Variants in RGS3 observed in about 807,000 individuals in gnomAD.
RGS3 encodes regulator of G protein signaling 3, also known as regulator of G-protein signalling 3.
Under a neutral mutation model 132.6 loss-of-function variants are expected in RGS3, and 80 were observed. The observed-to-expected ratio is 0.60, with a 90% CI of 0.50 to 0.73. RGS3 has a LOEUF of 0.73. Ranked by LOEUF, RGS3 falls within the 30% of genes least tolerant of loss-of-function variation. The pLI is 0.00. For synonymous variants in RGS3, 598 were observed against 620.6 expected (o/e 0.96, Z 0.54); for missense variants, 1,382 against 1,530.8 (o/e 0.90, Z 1.62).
intron 1 of RGS3, among the ~76,000 whole-genome samples, chr9:113,452,154 A>C (rs1448912943): frequency 6.6e-6 from 1 of 151,902 alleles, no homozygotes. Context: ...ATGCACCACC[A>C]TATCTGGTTA....
At chr9:113,461,634 C>A (rs1378487840) in intron 1 of RGS3, 13 of 1,485,450 alleles carry the variant, frequency 8.8e-6, no homozygotes, top group Non-Finnish European at 1.2e-5. Context: ...AGGGGACCTA[C>A]AAAGCAGTAG....
exon 2 of RGS3, chr9:113,461,847 G>A (rs758114829): frequency 2.9e-5 from 47 of 1,613,412 alleles, no homozygotes; most frequent in Middle Eastern, 1.7e-4. Flanking sequence ...GGTCCCTGGC[G>A]AAGTTGTGAA....
chr9:113,470,977 C>CAACA (rs1230994911), intron 3 of RGS3, among the ~76,000 whole-genome samples: 1 of 152,050 alleles, frequency 6.6e-6, no homozygotes, highest in Non-Finnish European at 1.5e-5. Flanking sequence ...AACAAACAAA[C>CAACA]AACAAACAAA....
intron 3 of RGS3, among the ~76,000 whole-genome samples, chr9:113,473,147 T>A (rs1829887364): frequency 6.6e-6 from 1 of 152,230 alleles, no homozygotes; most frequent in South Asian, 2.1e-4. Context: ...ATGTTGAAAG[T>A]CATCCACTGT....
At chr9:113,468,801 A>T (rs897961599) in intron 3 of RGS3, among the ~76,000 whole-genome samples, 2 of 152,098 alleles carry the variant, frequency 1.3e-5, no homozygotes, top group African/African-American at 4.8e-5. Flanking sequence ...CTGGGTCTGG[A>T]GATGGTGGGC....
rs150205847 is a variant in RGS3, at chr9:113,591,209, G to A, written c.3016-124G>A. On this transcript the variant is annotated intron_variant, in intron 20 of 24. Transcript: ENST00000350696. The surrounding 1 kb of genome is among the most constrained non-coding windows in gnomAD (Gnocchi z 4.4). Reference sequence around the variant, plus strand: ...GGTTTCCCTCCCTCACCTGTGTGCCGCGGGTGGGGGCTTTGGGGATGGAAG... The same window carrying A: ...GGTTTCCCTCCCTCACCTGTGTGCCACGGGTGGGGGCTTTGGGGATGGAAG... The A allele has an allele frequency of 2.0e-4, 163 of 796,166 alleles. No individual in the cohort carries two copies. In the East Asian group the frequency reaches 3.7e-3, roughly 18 times the overall value. 49.3% of individuals were successfully genotyped at this position (796,166 alleles called of 1,614,324 possible).
chr9:113,518,152 C>G (rs1831769024), intron 16 of RGS3, among the ~76,000 whole-genome samples: 1 of 152,062 alleles, frequency 6.6e-6, no homozygotes, highest in African/African-American at 2.4e-5. Flanking sequence ...ATGCTTTTCT[C>G]TAATTGGGAG....
exon 20 of RGS3, chr9:113,583,937 C>G (rs762249747): frequency 6.2e-7 from 1 of 1,614,108 alleles, no homozygotes; most frequent in South Asian, 1.1e-5. Context: ...CTACTAGCAG[C>G]TACTGGGGAC....
intron 3 of RGS3, among the ~76,000 whole-genome samples, chr9:113,469,239 A>G (rs1186222827): frequency 2.0e-5 from 3 of 152,008 alleles, no homozygotes; most frequent in Non-Finnish European, 4.4e-5. Context: ...CAGGCCCTGA[A>G]CTGGAGGCCT....
At chr9:113,544,081 G>A (rs1197856909) in intron 19 of RGS3, among the ~76,000 whole-genome samples, 2 of 152,188 alleles carry the variant, frequency 1.3e-5, no homozygotes, top group South Asian at 2.1e-4. Context: ...ATCACGGGAA[G>A]CATTGCCGAG....
At chr9:113,521,788 C>G (rs1428421108) in intron 16 of RGS3, among the ~76,000 whole-genome samples, 1 of 152,172 alleles carries the variant, frequency 6.6e-6, no homozygotes, top group African/African-American at 2.4e-5. Context: ...TCATCTTTAA[C>G]AGGTTGATAG....
At chr9:113,513,366 C>G (rs1831492623) in intron 14 of RGS3, among the ~76,000 whole-genome samples, 1 of 152,200 alleles carries the variant, frequency 6.6e-6, no homozygotes, top group Admixed American at 6.5e-5. Flanking sequence ...TTCTCTCTCT[C>G]TCTCCTTATG....
Position 113,463,569 on chromosome 9 carries a change from C to A in RGS3, c.415+1368C>A. On this transcript the variant is annotated intron_variant, in intron 3 of 24. Coordinates refer to ENST00000350696, the Ensembl canonical transcript of RGS3. The surrounding 1 kb of genome is among the most constrained non-coding windows in gnomAD (Gnocchi z 4.6). Reference sequence around the variant, plus strand: ...GGGTGGCTGCCGTCGCTGCTCAGCGCGGGTCGGCGGCGCCGCCTCCCCCAC... The same window carrying A: ...GGGTGGCTGCCGTCGCTGCTCAGCGAGGGTCGGCGGCGCCGCCTCCCCCAC... 1 of 399,400 alleles carries A rather than the reference C, an allele frequency of 2.5e-6. No individual in the cohort carries two copies. Among genetic ancestry groups the A allele is most frequent in the Non-Finnish European group, 3.4e-6 (1 of 294,174 alleles). 24.7% of individuals were successfully genotyped at this position (399,400 alleles called of 1,614,324 possible). A position where few individuals can be genotyped will look rare whatever the true frequency, so the allele number is the denominator to read the frequency against.
chr9:113,595,813 G>C, intron 24 of RGS3, 48 bp downstream of exon 22: 1 of 1,587,448 alleles, frequency 6.3e-7, no homozygotes. Context: ...CCAGGGCCCA[G>C]TGGCCCTTCA....
chr9:113,547,106 C>T (rs751622137), intron 19 of RGS3, among the ~76,000 whole-genome samples: 4 of 152,104 alleles, frequency 2.6e-5, no homozygotes, highest in Non-Finnish European at 4.4e-5. Flanking sequence ...CTAGGTTCTT[C>T]ATCACAGTCA....
At chr9:113,583,050 A>G (rs1027874521) in intron 19 of RGS3, 1 of 231,372 alleles carries the variant, frequency 4.3e-6, no homozygotes, top group African/African-American at 2.3e-5. Context: ...GTTCTCCTTT[A>G]TCCCCAGAGG....
intron 16 of RGS3, 76 bp from the exon 15 acceptor site, chr9:113,522,854 T>C (rs1588197746): frequency 4.3e-6 from 4 of 932,290 alleles, no homozygotes; most frequent in Non-Finnish European, 7.2e-6. Flanking sequence ...GCTCCCCACC[T>C]TCTCGGGGAG....
intron 19 of RGS3, among the ~76,000 whole-genome samples, chr9:113,538,311 C>G (rs1461869085): frequency 6.6e-6 from 1 of 152,190 alleles, no homozygotes; most frequent in East Asian, 1.9e-4. Flanking sequence ...GAGACCTGTC[C>G]CCATGCCTAT....
chr9:113,534,882 G>A (rs544542256), intron 18 of RGS3, among the ~76,000 whole-genome samples: 239 of 152,168 alleles, frequency 1.6e-3, no homozygotes, highest in Admixed American at 4.2e-3. Context: ...CTCCCAAAAT[G>A]CTGGTTTACA....
Sources: allele counts gnomAD v4.1 joint callset (sites outside exome capture counted in the v4.1 genomes callset), GRCh38; gene constraint gnomAD v4.1.1; non-coding constraint Gnocchi (gnomAD v3.1); transcripts MANE v1.5; gene names NCBI Gene and HGNC (gene_info 2026-07-23, HGNC 2026-07-21).